Variants in TTC3 observed in about 807,000 individuals in gnomAD.
TTC3 encodes the protein tetratricopeptide repeat domain 3, also known as E3 ubiquitin-protein ligase TTC3.
In TTC3, 180 loss-of-function variants were observed where a neutral mutation model predicts 249.6. The ratio of observed to expected loss-of-function variants is 0.72; its 90% confidence interval spans 0.64 to 0.82. The LOEUF is 0.82. Among genes scored for constraint, TTC3 ranks in the 40% least tolerant of loss-of-function variants. TTC3 has a pLI of 0.00. For synonymous variants in TTC3, 717 were observed against 805.0 expected, an observed-to-expected ratio of 0.89 and a Z score of 1.85; for missense variants, 2,061 against 2,398.4, an observed-to-expected ratio of 0.86 and a Z score of 2.94.
In TTC3 at chr21:37,094,792, T is replaced by C. The variant is rs139456487; in HGVS notation, c.688-558T>C. 3.0e-4 allele frequency among the ~76,000 whole-genome samples: 46 copies of C among 152,326 alleles called. No homozygotes were observed. In the East Asian group the frequency reaches 8.9e-3, roughly 29 times the overall value. On this transcript the variant is annotated intron_variant, in intron 8 of 45. Coordinates refer to ENST00000355666, the Ensembl canonical transcript of TTC3. ...TGATGGTTTTGTTTACTTTTTAATA[T>C]TCTCTAACAAAGTTAGTGTTGAGTC...
chr21:37,128,789 A>G (rs184586457), intron 15 of TTC3, among the ~76,000 whole-genome samples: 2 of 152,266 alleles, frequency 1.3e-5, no homozygotes, highest in East Asian at 1.9e-4. Flanking sequence ...CATAATGATC[A>G]CTATTATAAT....
At chr21:37,123,739 T>C (rs2076813278) in intron 13 of TTC3, among the ~76,000 whole-genome samples, 2 of 151,910 alleles carry the variant, frequency 1.3e-5, no homozygotes, top group Admixed American at 6.6e-5. Context: ...CACAAGGTCA[T>C]AGGTATTTTT....
At chr21:37,088,427 A>G (rs888993362) in intron 4 of TTC3, 81 bp downstream of exon 4, 2 of 1,503,656 alleles carry the variant, frequency 1.3e-6, no homozygotes, top group Admixed American at 2.0e-5. Context: ...GTTCAATGGA[A>G]GGCTTATGTC....
rs557329537 is a variant in TTC3, at chr21:37,123,803, C to T, written c.1109+775C>T. On this transcript the variant is annotated intron_variant, in intron 13 of 45. Transcript: ENST00000355666. The stretch of plus-strand genomic sequence containing the variant: ...TCACTCTGTCACCCAGGCTGGAGTG[C>T]GGTGTTATGATGTCGGCTCACTGCA... Among the ~76,000 whole-genome samples, 10 of 151,418 alleles carry T rather than the reference C, an allele frequency of 6.6e-5. No homozygotes were observed. In the South Asian group the frequency reaches 1.0e-3, roughly 16 times the overall value.
At chr21:37,073,397 C>A in intron 1 of TTC3, 3 of 986,674 alleles carry the variant, frequency 3.0e-6, no homozygotes, top group South Asian at 4.5e-5. Context: ...GCCGGGCTCC[C>A]GGATGTGTCA....
At chr21:37,082,734 A>T in intron 1 of TTC3, 3 of 984,968 alleles carry the variant, frequency 3.0e-6, no homozygotes, top group Non-Finnish European at 3.6e-6. Context: ...TTAATCTAGG[A>T]TATACCTTTT....
At chr21:37,170,312 G>C (rs181712718) in intron 34 of TTC3, among the ~76,000 whole-genome samples, 2 of 152,194 alleles carry the variant, frequency 1.3e-5, no homozygotes, top group East Asian at 3.8e-4. Flanking sequence ...ACAAAGATGA[G>C]AATGGATGTG....
At chr21:37,185,949 C>G (rs1032372177) in intron 37 of TTC3, 175 bp downstream of exon 37, 1 of 266,156 alleles carries the variant, frequency 3.8e-6, no homozygotes, top group African/African-American at 2.3e-5. Flanking sequence ...TAAATATATT[C>G]TTTGAATATT....
At chr21:37,102,707 A>G (rs940549535) in intron 10 of TTC3, among the ~76,000 whole-genome samples, 1 of 152,224 alleles carries the variant, frequency 6.6e-6, no homozygotes, top group African/African-American at 2.4e-5. Context: ...TTAGATTCCA[A>G]AGAGTAAGGC....
intron 1 of TTC3, chr21:37,082,736 A>G: frequency 1.0e-6 from 1 of 985,172 alleles, no homozygotes; most frequent in Non-Finnish European, 1.2e-6. Context: ...AATCTAGGAT[A>G]TACCTTTTTC....
chr21:37,170,031 A>T (rs114187918), intron 34 of TTC3, among the ~76,000 whole-genome samples: 1,668 of 152,292 alleles, frequency 0.011, 34 homozygotes, highest in African/African-American at 0.038. Context: ...AAATGGACCT[A>T]TAAAAGTATC....
chr21:37,186,993 C>A, intron 37 of TTC3, 56 bp from the exon 38 acceptor site: 4 of 1,102,522 alleles, frequency 3.6e-6, no homozygotes, highest in Non-Finnish European at 5.1e-6. Context: ...AAACCTTTGT[C>A]ATCTCACTGT....
exon 4 of TTC3, chr21:37,088,298 A>T: frequency 6.2e-7 from 1 of 1,613,736 alleles, no homozygotes; most frequent in Non-Finnish European, 8.5e-7. Context: ...CTGTTTCAAC[A>T]TCAAAACAGT....
intron 10 of TTC3, among the ~76,000 whole-genome samples, chr21:37,105,014 C>G (rs1051469619): frequency 3.9e-5 from 6 of 152,080 alleles, no homozygotes; most frequent in African/African-American, 1.4e-4. Flanking sequence ...GATGAGCCTG[C>G]CCAGGAGATT....
chr21:37,195,508 G>T (rs1046927189), intron 41 of TTC3, among the ~76,000 whole-genome samples, 167 bp from the exon 42 acceptor site: 2 of 152,208 alleles, frequency 1.3e-5, no homozygotes, highest in Admixed American at 6.5e-5. Flanking sequence ...ACAAGTTATT[G>T]TCAAGAATTC....
intron 11 of TTC3, among the ~76,000 whole-genome samples, chr21:37,112,290 A>G (rs992026795): frequency 1.5e-4 from 23 of 152,336 alleles, no homozygotes; most frequent in African/African-American, 5.5e-4. Flanking sequence ...AAATTGATAG[A>G]CCGCTAGCAA....
chr21:37,094,133 A>G, intron 8 of TTC3, 43 bp downstream of exon 8: 1 of 1,240,736 alleles, frequency 8.1e-7, no homozygotes, highest in Non-Finnish European at 1.1e-6. Flanking sequence ...TTTGCCCATT[A>G]GAACTTTTTA....
intron 20 of TTC3, 64 bp from the exon 21 acceptor site, chr21:37,144,461 C>G: frequency 1.3e-6 from 2 of 1,550,136 alleles, no homozygotes; most frequent in Non-Finnish European, 1.7e-6. Context: ...TCTTTGGTGA[C>G]TTTTGAAGGG....
chr21:37,176,900 G>A (rs1039421579), intron 35 of TTC3, among the ~76,000 whole-genome samples: 6 of 152,274 alleles, frequency 3.9e-5, no homozygotes, highest in African/African-American at 1.4e-4. Flanking sequence ...CTAACTGTTA[G>A]GAATGTTTCT....
Sources: allele counts gnomAD v4.1 joint callset (sites outside exome capture counted in the v4.1 genomes callset), GRCh38; gene constraint gnomAD v4.1.1; transcripts MANE v1.5; gene names NCBI Gene and HGNC (gene_info 2026-07-23, HGNC 2026-07-21).